The following UPF2 variants were observed in gnomAD, a reference collection of about 807,000 sequenced individuals.
The protein encoded by UPF2 is regulator of nonsense transcripts 2.
UPF2 carries 17 observed loss-of-function variants against 141.4 expected under a neutral mutation model. The ratio of observed to expected loss-of-function variants is 0.12; its 90% CI spans 0.08 to 0.18. The LOEUF (loss-of-function observed/expected upper bound fraction) is 0.18. Among genes scored for constraint, UPF2 ranks in the 10% least tolerant of loss-of-function variants. The probability of loss-of-function intolerance (pLI) is 1.00; values close to 1 mark genes in which losing one functional copy is unlikely to be tolerated. For missense variants in UPF2, 1,152 were observed against 1,515.9 expected, an observed-to-expected ratio of 0.76 and a Z score of 3.99; for synonymous variants, 540 against 498.0, an observed-to-expected ratio of 1.08 and a Z score of -1.12.
chr10:12,012,456 C>G (rs1416302751), intron 4 of UPF2, among the ~76,000 whole-genome samples: 1 of 152,120 alleles, frequency 6.6e-6, no homozygotes, highest in Non-Finnish European at 1.5e-5. Flanking sequence ...AACCAAAACA[C>G]AAATTCTATG....
At chr10:12,021,542 G>T (rs1701475) in intron 3 of UPF2, among the ~76,000 whole-genome samples, 126,648 of 151,896 alleles carry the variant, frequency 0.83, 53,079 homozygotes, top group Non-Finnish European at 0.88. Flanking sequence ...ATCATATGTG[G>T]GATTTATTAT....
intron 16 of UPF2, among the ~76,000 whole-genome samples, chr10:11,945,456 TGG>T: frequency 6.6e-6 from 1 of 152,218 alleles, no homozygotes; most frequent in Non-Finnish European, 1.5e-5. Flanking sequence ...AAACTGGTCT[TGG>T]GGTGAAAGGA....
chr10:12,038,111 G>A (rs917320156), intron 1 of UPF2, among the ~76,000 whole-genome samples: 5 of 152,170 alleles, frequency 3.3e-5, no homozygotes, highest in Middle Eastern at 3.4e-3. Flanking sequence ...GGCTGGGTGC[G>A]GTGGCTCATG....
chr10:11,921,339 C>T lies in UPF2; in HGVS notation c.3810-32G>A, dbSNP rs1328929924. 1 of 1,613,906 alleles carries T rather than the reference C, an allele frequency of 6.2e-7. No homozygotes were observed. Among genetic ancestry groups the T allele is most frequent in the Non-Finnish European group, 8.5e-7 (1 of 1,179,992 alleles). On this transcript the variant is annotated intron_variant, in intron 21 of 21. Coordinates refer to ENST00000357604, the MANE Select transcript of UPF2 (RefSeq NM_015542.4). The surrounding 1 kb of genome is among the most constrained non-coding windows in gnomAD (Gnocchi z 5.9). ...GAACAAACAGGGTCACATCAGAGAG[C>T]TTACTGCCACAGGACAAAGTCCAGC...
chr10:11,988,167 A>C (rs957790315), intron 8 of UPF2, among the ~76,000 whole-genome samples: 3 of 152,222 alleles, frequency 2.0e-5, no homozygotes, highest in South Asian at 4.1e-4. Flanking sequence ...GCTCAACGTC[A>C]TATGTCATTA....
chr10:11,961,577 A>G (rs1189687255), intron 11 of UPF2, among the ~76,000 whole-genome samples: 1 of 152,120 alleles, frequency 6.6e-6, no homozygotes, highest in African/African-American at 2.4e-5. Flanking sequence ...TTAAGTGTGC[A>G]GAGGGAGATC....
intron 6 of UPF2, among the ~76,000 whole-genome samples, chr10:12,000,450 G>A (rs1443064213): frequency 6.6e-6 from 1 of 152,104 alleles, no homozygotes; most frequent in Admixed American, 6.6e-5. Flanking sequence ...AAAGCCAACA[G>A]AGAGAAAAGC....
At chr10:11,994,975 C>CAAAAAAAAAAAAAAAAAA (rs60922532) in intron 8 of UPF2, among the ~76,000 whole-genome samples, 8 of 51,358 alleles carry the variant, frequency 1.6e-4, no homozygotes, top group Non-Finnish European at 2.4e-4. Flanking sequence ...GACTCCATCT[C>CAAAAAAAAAAAAAAAAAA]AAAAAAAAAA....
intron 4 of UPF2, among the ~76,000 whole-genome samples, chr10:12,011,452 G>C (rs949158556): frequency 6.6e-6 from 1 of 151,624 alleles, no homozygotes; most frequent in African/African-American, 2.4e-5. Context: ...GCAAAAATTA[G>C]CTGGGCTTGG....
chr10:11,965,935 C>T (rs1009154634), intron 10 of UPF2, among the ~76,000 whole-genome samples: 2 of 152,042 alleles, frequency 1.3e-5, no homozygotes, highest in Admixed American at 1.3e-4. Flanking sequence ...AAAAAAACAA[C>T]CTTAGTAACG....
intron 4 of UPF2, among the ~76,000 whole-genome samples, chr10:12,012,743 G>A (rs1834151427): frequency 6.7e-6 from 1 of 150,032 alleles, no homozygotes; most frequent in Admixed American, 6.7e-5. Flanking sequence ...AGCTTGCAGT[G>A]AGCAGAGACC....
At chr10:11,960,324 G>A (rs1440603373) in intron 11 of UPF2, among the ~76,000 whole-genome samples, 1 of 152,054 alleles carries the variant, frequency 6.6e-6, no homozygotes, top group African/African-American at 2.4e-5. Flanking sequence ...AGGTGAGAGA[G>A]TCCCTTGAGA....
intron 3 of UPF2, chr10:12,026,684 C>G: frequency 2.3e-6 from 1 of 428,490 alleles, no homozygotes; most frequent in Middle Eastern, 5.9e-4. Flanking sequence ...AAGTCTCGCT[C>G]TTGTCCTCCA....
At chr10:11,985,136 T>A (rs971136022) in intron 8 of UPF2, among the ~76,000 whole-genome samples, 5 of 152,212 alleles carry the variant, frequency 3.3e-5, no homozygotes, top group Non-Finnish European at 5.9e-5. Context: ...AAGGAAGTTA[T>A]GAGTTAAGGA....
chr10:11,984,716 T>A (rs1390545013), intron 8 of UPF2, among the ~76,000 whole-genome samples: 1 of 148,912 alleles, frequency 6.7e-6, no homozygotes, highest in Non-Finnish European at 1.5e-5. Flanking sequence ...ATCTTTGCTC[T>A]TTAAAAAAAA....
intron 21 of UPF2, among the ~76,000 whole-genome samples, chr10:11,927,372 G>A (rs1018552327): frequency 3.9e-5 from 6 of 152,208 alleles, no homozygotes; most frequent in African/African-American, 1.4e-4. Flanking sequence ...TGGTGCAAAA[G>A]TAATTGCAGT....
At chr10:12,040,724 CTACAG>C (rs1834721920) in intron 1 of UPF2, among the ~76,000 whole-genome samples, 2 of 152,304 alleles carry the variant, frequency 1.3e-5, no homozygotes, top group South Asian at 4.1e-4. Flanking sequence ...AGCCTGATAG[CTACAG>C]AAATCAGGCA....
At chr10:11,997,211 T>A (rs190552200) in intron 8 of UPF2, among the ~76,000 whole-genome samples, 2 of 152,286 alleles carry the variant, frequency 1.3e-5, no homozygotes, top group Admixed American at 6.5e-5. Context: ...TTCTATCCAA[T>A]GAGTCTCTAG....
intron 21 of UPF2, among the ~76,000 whole-genome samples, chr10:11,923,688 A>C (rs1832675654): frequency 6.6e-6 from 1 of 151,156 alleles, no homozygotes; most frequent in Non-Finnish European, 1.5e-5. Flanking sequence ...AAAAAAAAAA[A>C]ATTAGCTGGG....
Sources: gnomAD v4.1 joint callset for allele counts (sites outside exome capture counted in the v4.1 genomes callset) on GRCh38, gnomAD v4.1.1 for gene constraint, Gnocchi (gnomAD v3.1) non-coding constraint, MANE v1.5 for transcripts, NCBI Gene and HGNC (gene_info 2026-07-23, HGNC 2026-07-21) for gene names.